Variants in FHDC1 observed in about 807,000 individuals in gnomAD.
FHDC1 encodes the protein FH2 domain containing 1.
Under a neutral mutation model 52.6 loss-of-function variants are expected in FHDC1, and 25 were observed. That is an observed-to-expected ratio of 0.48 (90% CI 0.35 to 0.66). FHDC1 has a LOEUF of 0.66. Ranked by LOEUF, FHDC1 falls within the 30% of genes least tolerant of loss-of-function variation. The pLI is 0.01. For synonymous variants in FHDC1, 616 were observed against 581.5 expected, an observed-to-expected ratio of 1.06 and a Z score of -0.85; for missense variants, 1,459 against 1,452.8, an observed-to-expected ratio of 1.00 and a Z score of -0.07.
intron 10 of FHDC1, among the ~76,000 whole-genome samples, chr4:152,971,437 A>G (rs1052891962): frequency 2.6e-5 from 4 of 152,154 alleles, no homozygotes; most frequent in Non-Finnish European, 1.5e-5. Flanking sequence ...TCTCCGCACC[A>G]TACTGCTTCC....
At chr4:152,955,039 T>A (rs1480843297) in intron 4 of FHDC1, among the ~76,000 whole-genome samples, 1 of 152,164 alleles carries the variant, frequency 6.6e-6, no homozygotes, top group Non-Finnish European at 1.5e-5. Context: ...ATTCCTTTTC[T>A]ATCATCTAAA....
the FHDC1 span, chr4:152,927,672 A>G: frequency 6.3e-7 from 1 of 1,578,470 alleles, no homozygotes. Flanking sequence ...TTCAAATTCA[A>G]AAACATGGTA....
chr4:152,922,831 T>A, the FHDC1 span, among the ~76,000 whole-genome samples: 1 of 151,678 alleles, frequency 6.6e-6, no homozygotes, highest in East Asian at 1.9e-4. Context: ...AAACTCTCAA[T>A]AAATTAGGTA....
intron 11 of FHDC1, 49 bp downstream of exon 11, chr4:152,972,590 C>A: frequency 6.4e-7 from 1 of 1,555,936 alleles, no homozygotes; most frequent in South Asian, 1.2e-5. Flanking sequence ...TTTTTATTTT[C>A]CTTCTTCTCG....
At chr4:152,925,088 T>C in the FHDC1 span, among the ~76,000 whole-genome samples, 6 of 152,014 alleles carry the variant, frequency 3.9e-5, no homozygotes, top group Non-Finnish European at 8.8e-5. Context: ...CCGTTTCTAA[T>C]TTCTAGTTCA....
In FHDC1 at chr4:152,975,487, G is replaced by A. The variant is rs1301078657; in HGVS notation, c.2196G>A (p.Leu732=). Residue 732 remains leucine (L), a synonymous_variant, in exon 12 of 12, where the codon CTG becomes CTA. Transcript: ENST00000511601. Reference sequence around the variant, plus strand: ...TGACACCCATGGGCAGAGATGCCCTGGGGAGTCTCAGCCCAGCGCTGGAGG... The same window carrying A: ...TGACACCCATGGGCAGAGATGCCCTAGGGAGTCTCAGCCCAGCGCTGGAGG... ...SSLTPMGRDA[L]GSLSPALEDG... The A allele has an allele frequency of 6.2e-7, 1 of 1,613,402 alleles. No individual in the cohort carries two copies. Among genetic ancestry groups the A allele is most frequent in the South Asian group, 1.1e-5 (1 of 91,084 alleles).
intron 2 of FHDC1, among the ~76,000 whole-genome samples, chr4:152,948,137 AC>A (rs1000516220): frequency 4.6e-4 from 70 of 152,296 alleles, no homozygotes; most frequent in African/African-American, 1.6e-3. Context: ...AACCATCAAA[AC>A]CCGAAAGCTA....
rs769501188 is a variant in FHDC1 at position 152,960,746 on chromosome 4, A to G, written c.752A>G (p.Tyr251Cys). The change falls in exon 6 of 12, where the codon TAT (tyrosine) becomes TGT (cysteine). Residue 251 changes from tyrosine (Y) to cysteine (C), a missense_variant and splice_region_variant. Transcript: ENST00000511601. ...FLYGLIQVPN[Y>C]SLRIEAMVLK... The stretch of plus-strand genomic sequence containing the variant: ...AGTTTTACTTTTTTATTTTTCAGCT[A>G]TTCACTTCGGATTGAAGCCATGGTG... 12 of 1,612,978 alleles carry G rather than the reference A, an allele frequency of 7.4e-6. No individual in the cohort carries two copies. Among genetic ancestry groups the G allele is most frequent in the Admixed American group, 5.0e-5 (3 of 59,850 alleles).
intron 1 of FHDC1, among the ~76,000 whole-genome samples, chr4:152,941,477 G>A (rs1255801952): frequency 6.6e-6 from 1 of 152,202 alleles, no homozygotes; most frequent in African/African-American, 2.4e-5. Flanking sequence ...CCATACATGT[G>A]TTAGCTCTTT....
intron 2 of FHDC1, among the ~76,000 whole-genome samples, chr4:152,945,519 C>T (rs1739703395): frequency 6.6e-6 from 1 of 152,084 alleles, no homozygotes; most frequent in African/African-American, 2.4e-5. Context: ...TACAGTGGTG[C>T]ACTCTTGGCT....
At chr4:152,917,565 T>C in the FHDC1 span, among the ~76,000 whole-genome samples, 1 of 152,174 alleles carries the variant, frequency 6.6e-6, no homozygotes, top group Non-Finnish European at 1.5e-5. Context: ...GGATTAAAAT[T>C]TTCTGACTAG....
At chr4:152,942,667 C>G (rs1168502280) in intron 1 of FHDC1, among the ~76,000 whole-genome samples, 1 of 152,212 alleles carries the variant, frequency 6.6e-6, no homozygotes, top group East Asian at 1.9e-4. Context: ...CTAGCAGGCT[C>G]TCAATATAAA....
Position 152,943,069 on chromosome 4 carries a change from G to A in FHDC1, c.12G>A (p.Met4Ile), listed in dbSNP as rs1489690020. The change falls in exon 2 of 12, where the codon ATG (methionine) becomes ATA (isoleucine). Residue 4 changes from methionine to isoleucine, a missense_variant. Met to Ile is a conservative substitution (Grantham distance 10). Coordinates refer to ENST00000511601, the MANE Select transcript of FHDC1 (RefSeq NM_001371116.1). MHV[M>I]NCVSLVSDKE... ...GAGGCAACAGTACTATGCATGTTAT[G>A]AATTGTGTCTCCTTGGTCAGTGATA... The A allele has an allele frequency of 6.2e-7, 1 of 1,612,286 alleles. No homozygotes were observed. The highest frequency in any genetic ancestry group is 1.7e-5 in the Admixed American group (1 of 59,940).
chr4:152,960,500 T>G, intron 4 of FHDC1, 65 bp from the exon 5 acceptor site: 6 of 1,306,704 alleles, frequency 4.6e-6, no homozygotes, highest in Non-Finnish European at 6.5e-6. Context: ...AAGATGAAAT[T>G]TAAATAATCT....
At chr4:152,963,547 C>T (rs1055183989) in intron 8 of FHDC1, among the ~76,000 whole-genome samples, 1 of 151,988 alleles carries the variant, frequency 6.6e-6, no homozygotes, top group Non-Finnish European at 1.5e-5. Flanking sequence ...AATACACCTC[C>T]GCAGAAGTTG....
chr4:152,978,055 G>A lies in FHDC1; in HGVS notation c.*1332G>A, dbSNP rs1186517113. 1 of 152,250 alleles carries A rather than the reference G, an allele frequency of 6.6e-6. No homozygotes were observed. Among genetic ancestry groups the A allele is most frequent in the Non-Finnish European group, 1.5e-5 (1 of 68,054 alleles). 9.4% of individuals were successfully genotyped at this position (152,250 alleles called of 1,614,324 possible). A position where few individuals can be genotyped will look rare whatever the true frequency, so the allele number is the denominator to read the frequency against. Reference sequence around the variant, plus strand: ...GAGCCTTGAGGGCCTCATGGTTGCAGGGCAGGCTTCCCTGCAGATGGGTGG... The same window carrying A: ...GAGCCTTGAGGGCCTCATGGTTGCAAGGCAGGCTTCCCTGCAGATGGGTGG... On this transcript the variant is annotated 3_prime_UTR_variant, in exon 12 of 12. Coordinates refer to ENST00000511601, the MANE Select transcript of FHDC1 (RefSeq NM_001371116.1).
chr4:152,975,830 G>A lies in FHDC1; in HGVS notation c.2539G>A (p.Gly847Ser), dbSNP rs144772738. Residue 847 changes from glycine (G) to serine (S), a missense_variant, in exon 12 of 12, where the codon GGC (glycine) becomes AGC (serine). By Grantham distance (56) the Gly-to-Ser change is moderately conservative. This residue lies in a region of FHDC1 where 939 missense variants were observed against 854.5 expected (regional missense o/e 1.10). Transcript: ENST00000511601. ...SVDSEPSCKG[G>S]LPRDKPTKRK... ...GGATAGTGAGCCCAGCTGCAAGGGCGGCCTGCCCAGGGACAAACCCACCAA... is the reference window on the plus strand; with the variant it reads ...GGATAGTGAGCCCAGCTGCAAGGGCAGCCTGCCCAGGGACAAACCCACCAA... 1,076 of 1,519,852 alleles carry A rather than the reference G, an allele frequency of 7.1e-4. 7 individuals carry two copies. The African/African-American group carries it at 0.011, about 16-fold the overall frequency. The allele number at this position is 1,519,852 out of a possible 1,614,324, so 94.1% of individuals were successfully genotyped here.
At chr4:152,957,532 A>G (rs1291461668) in intron 4 of FHDC1, among the ~76,000 whole-genome samples, 1 of 152,066 alleles carries the variant, frequency 6.6e-6, no homozygotes, top group East Asian at 1.9e-4. Flanking sequence ...GCTGCACTCC[A>G]CTGCCTGCCT....
chr4:152,967,916 A>G, intron 9 of FHDC1, 64 bp from the exon 10 acceptor site: 1 of 1,206,426 alleles, frequency 8.3e-7, no homozygotes, highest in Non-Finnish European at 1.2e-6. Flanking sequence ...AGTCTTATTT[A>G]ATATACCTAC....
Sources: allele counts gnomAD v4.1 joint callset (sites outside exome capture counted in the v4.1 genomes callset), GRCh38; gene constraint gnomAD v4.1.1; regional missense constraint gnomAD v4.1.1; transcripts MANE v1.5; gene names NCBI Gene and HGNC (gene_info 2026-07-23, HGNC 2026-07-21).